The following USP12 variants were observed in gnomAD, a reference collection of about 807,000 sequenced individuals.
USP12 encodes the protein ubiquitin specific peptidase 12, also known as ubiquitin carboxyl-terminal hydrolase 12.
USP12 carries 19 observed loss-of-function variants against 45.5 expected under a neutral mutation model. The observed-to-expected ratio is 0.42, with a 90% CI of 0.29 to 0.61. The LOEUF (loss-of-function observed/expected upper bound fraction) is 0.61, where lower values mean the gene tolerates loss of function less well. Among genes scored for constraint, USP12 ranks in the 20% least tolerant of loss-of-function variants. The probability of loss-of-function intolerance (pLI) is 0.22; values close to 1 mark genes in which losing one functional copy is unlikely to be tolerated. For synonymous variants in USP12, 149 were observed against 148.8 expected (o/e 1.00, Z -0.01); for missense variants, 242 against 447.7 (o/e 0.54, Z 4.15).
At chr13:27,093,436 A>G (rs1488995360) in intron 4 of USP12, among the ~76,000 whole-genome samples, 1 of 152,238 alleles carries the variant, frequency 6.6e-6, no homozygotes, top group Non-Finnish European at 1.5e-5. Flanking sequence ...AAAGATGATC[A>G]ACATCATATG....
At chr13:27,094,362 G>A (rs1256116731) in intron 4 of USP12, among the ~76,000 whole-genome samples, 1 of 151,928 alleles carries the variant, frequency 6.6e-6, no homozygotes, top group Non-Finnish European at 1.5e-5. Flanking sequence ...ACTAGCTGGG[G>A]GTGATGGCAT....
intron 2 of USP12, among the ~76,000 whole-genome samples, chr13:27,112,380 G>A (rs1875494446): frequency 6.6e-6 from 1 of 151,102 alleles, no homozygotes; most frequent in Non-Finnish European, 1.5e-5. Flanking sequence ...CAACCTCCTG[G>A]ACTCAAGATC....
intron 1 of USP12, among the ~76,000 whole-genome samples, chr13:27,167,638 G>A (rs550453627): frequency 4.0e-5 from 6 of 151,770 alleles, no homozygotes; most frequent in African/African-American, 1.4e-4. Context: ...ACATTTGAAT[G>A]CTCCTATCAT....
At chr13:27,154,552 C>T (rs2137835232) in intron 1 of USP12, among the ~76,000 whole-genome samples, 1 of 152,198 alleles carries the variant, frequency 6.6e-6, no homozygotes, top group South Asian at 2.1e-4. Context: ...TTTACAAATC[C>T]ACTCAACTTC....
intron 4 of USP12, among the ~76,000 whole-genome samples, chr13:27,090,740 G>A (rs1317984523): frequency 1.3e-5 from 2 of 152,162 alleles, no homozygotes; most frequent in African/African-American, 4.8e-5. Context: ...CCTTCAGCAA[G>A]TCCATCCTGA....
chr13:27,156,940 G>A (rs182999255), intron 1 of USP12, among the ~76,000 whole-genome samples: 5 of 152,258 alleles, frequency 3.3e-5, no homozygotes, highest in East Asian at 1.9e-4. Flanking sequence ...GACTAAATAC[G>A]GAGAGGTCTC....
At chr13:27,104,075 C>A (rs1875012693) in intron 3 of USP12, among the ~76,000 whole-genome samples, 1 of 151,918 alleles carries the variant, frequency 6.6e-6, no homozygotes, top group African/African-American at 2.4e-5. Flanking sequence ...GCTCTGTTAC[C>A]CAAGCTGGAG....
At chr13:27,134,698 T>C (rs1207042622) in intron 1 of USP12, among the ~76,000 whole-genome samples, 1 of 151,894 alleles carries the variant, frequency 6.6e-6, no homozygotes, top group Non-Finnish European at 1.5e-5. Context: ...GCCTAGAGAT[T>C]TGATGTCATG....
intron 7 of USP12, among the ~76,000 whole-genome samples, chr13:27,073,269 C>T (rs1222062354): frequency 6.6e-6 from 1 of 152,122 alleles, no homozygotes; most frequent in Non-Finnish European, 1.5e-5. Flanking sequence ...GAGAGAGTTC[C>T]CAGTGAAGGC....
intron 6 of USP12, among the ~76,000 whole-genome samples, chr13:27,086,631 C>T (rs1874059741): frequency 6.6e-6 from 1 of 152,134 alleles, no homozygotes; most frequent in African/African-American, 2.4e-5. Context: ...TTCTCAATTA[C>T]TCACATGTGA....
rs1409420632 is a variant in USP12 at position 27,115,925 on chromosome 13, T to C, written c.129+591A>G. Among the ~76,000 whole-genome samples the C allele has an allele frequency of 1.3e-5, 2 of 152,298 alleles. 1 individual carries two copies. Among genetic ancestry groups the C allele is most frequent in the South Asian group, 4.1e-4 (2 of 4,830 alleles). On this transcript the variant is annotated intron_variant, in intron 2 of 8. Coordinates refer to ENST00000282344, the MANE Select transcript of USP12 (RefSeq NM_182488.4). ...AAGAGATCACTTAGACTAGGCTATATATTAATACTAAATTTTGGCTATGAG... is the reference window on the plus strand; with the variant it reads ...AAGAGATCACTTAGACTAGGCTATACATTAATACTAAATTTTGGCTATGAG...
chr13:27,071,747 C>T (rs535538259), intron 7 of USP12, among the ~76,000 whole-genome samples: 19 of 152,200 alleles, frequency 1.2e-4, no homozygotes, highest in African/African-American at 4.1e-4. Context: ...ACTATGATTG[C>T]CCCTGCATCT....
chr13:27,095,475 C>T, intron 4 of USP12, 126 bp downstream of exon 4: 1 of 657,050 alleles, frequency 1.5e-6, no homozygotes, highest in Admixed American at 3.7e-5. Context: ...CTGAAAAATA[C>T]ATCTTTAACT....
At chr13:27,086,193 A>ATATATATATATATAT (rs1333218859) in intron 6 of USP12, among the ~76,000 whole-genome samples, 32 of 66,892 alleles carry the variant, frequency 4.8e-4, no homozygotes, top group Non-Finnish European at 6.3e-4. Context: ...AAAAAAAAAA[A>ATATATATATATATAT]AAAAATATAT....
intron 1 of USP12, among the ~76,000 whole-genome samples, chr13:27,149,881 C>A (rs1877492205): frequency 6.6e-6 from 1 of 152,196 alleles, no homozygotes; most frequent in Admixed American, 6.5e-5. Flanking sequence ...ACAGGGTTCA[C>A]ACTCCTGAGA....
At position 27,166,835 on chromosome 13, in the gene USP12, T is replaced by C. The variant is rs141245020; in HGVS notation, c.48+4757A>G. ...TACCCTCTAATAATCATTAAACATA[T>C]AACCTGTCAACGCCCTAGTACCCTA... On this transcript the variant is annotated intron_variant, in intron 1 of 8. Transcript: ENST00000282344. Among the ~76,000 whole-genome samples, 13 of 152,248 alleles carry C rather than the reference T, an allele frequency of 8.5e-5. No individual in the cohort carries two copies. The South Asian group carries it at 2.3e-3, about 27-fold the overall frequency.
chr13:27,069,524 A>C (rs1873142030), intron 8 of USP12, 140 bp from the exon 9 acceptor site: 1 of 654,982 alleles, frequency 1.5e-6, no homozygotes, highest in African/African-American at 1.8e-5. Context: ...GGCAGGGCAC[A>C]CCAAAAAAAT....
At chr13:27,109,478 G>C (rs1421912556) in intron 2 of USP12, among the ~76,000 whole-genome samples, 1 of 152,106 alleles carries the variant, frequency 6.6e-6, no homozygotes, top group Non-Finnish European at 1.5e-5. Flanking sequence ...GTTTGAAATG[G>C]GAATAGTCTC....
intron 1 of USP12, among the ~76,000 whole-genome samples, chr13:27,169,636 C>T (rs1223546167): frequency 6.6e-6 from 1 of 152,104 alleles, no homozygotes; most frequent in Non-Finnish European, 1.5e-5. Context: ...GATGGAAGCC[C>T]TAGAAAGAGC....
Sources: allele counts gnomAD v4.1 joint callset (sites outside exome capture counted in the v4.1 genomes callset), GRCh38; gene constraint gnomAD v4.1.1; transcripts MANE v1.5; gene names NCBI Gene and HGNC (gene_info 2026-07-23, HGNC 2026-07-21).